The following USP32 variants were observed in gnomAD, a reference collection of about 807,000 sequenced individuals.
USP32 encodes the protein ubiquitin specific peptidase 32, also known as ubiquitin carboxyl-terminal hydrolase 32.
In USP32, 59 loss-of-function variants were observed where a neutral mutation model predicts 204.8. That is an observed-to-expected ratio of 0.29 (90% CI 0.23 to 0.36). The LOEUF is 0.36. Among genes scored for constraint, USP32 ranks in the 10% least tolerant of loss-of-function variants. The probability of loss-of-function intolerance (pLI) is 1.00; values close to 1 mark genes in which losing one functional copy is unlikely to be tolerated. For synonymous variants in USP32, 517 were observed against 678.4 expected, an observed-to-expected ratio of 0.76 and a Z score of 3.70; for missense variants, 1,160 against 1,946.4, an observed-to-expected ratio of 0.60 and a Z score of 7.60.
intron 2 of USP32, among the ~76,000 whole-genome samples, chr17:60,311,558 C>T (rs369304725): frequency 6.6e-6 from 1 of 152,210 alleles, no homozygotes; most frequent in Non-Finnish European, 1.5e-5. Flanking sequence ...CACAGTGGCT[C>T]ACGCCTGTAA....
intron 1 of USP32, among the ~76,000 whole-genome samples, chr17:60,364,811 T>C (rs896303016): frequency 6.6e-6 from 1 of 152,254 alleles, no homozygotes; most frequent in African/African-American, 2.4e-5. Flanking sequence ...ATAAATTCCA[T>C]TGTTCACTAA....
chr17:60,374,248 T>C (rs1158504423), intron 1 of USP32, among the ~76,000 whole-genome samples: 1 of 151,986 alleles, frequency 6.6e-6, no homozygotes, highest in Non-Finnish European at 1.5e-5. Context: ...ATCAAGATCA[T>C]CAATATCACT....
At chr17:60,216,001 T>C (rs1327588575) in intron 16 of USP32, among the ~76,000 whole-genome samples, 1 of 152,150 alleles carries the variant, frequency 6.6e-6, no homozygotes, top group African/African-American at 2.4e-5. Flanking sequence ...GTGTGTGAGC[T>C]ACCACATTTG....
At chr17:60,417,338 G>GTCTCTC (rs563840631) in intron 1 of USP32, among the ~76,000 whole-genome samples, 1 of 151,992 alleles carries the variant, frequency 6.6e-6, no homozygotes, top group African/African-American at 2.4e-5. Context: ...TTGGTGGGGA[G>GTCTCTC]TCTCTCTATG....
rs181396383 is a variant in USP32, at chr17:60,179,629, C to T, written c.4642-201G>A. Among the ~76,000 whole-genome samples the T allele has an allele frequency of 5.5e-4, 83 of 152,212 alleles. 2 individuals are homozygous for T. In the East Asian group the frequency reaches 0.014, roughly 26 times the overall value. ...TTTGCTTTGGGGAAAATATTTTGAC[C>T]ATAGACAAGTCAAAAAAGAATGACC... On this transcript the variant is annotated intron_variant, in intron 33 of 33. Coordinates refer to ENST00000300896, the MANE Select transcript of USP32 (RefSeq NM_032582.4).
At chr17:60,330,838 C>G (rs2088363645) in intron 2 of USP32, among the ~76,000 whole-genome samples, 1 of 152,142 alleles carries the variant, frequency 6.6e-6, no homozygotes. Context: ...AAATTTATCA[C>G]TGGGCATTTC....
intron 12 of USP32, among the ~76,000 whole-genome samples, chr17:60,232,438 G>T (rs1299590566): frequency 1.1e-4 from 17 of 149,644 alleles, no homozygotes; most frequent in African/African-American, 3.7e-4. Context: ...CTCCCAAAGA[G>T]CTGGGATTGC....
chr17:60,234,085 G>A (rs946551619), intron 12 of USP32, among the ~76,000 whole-genome samples: 3 of 151,790 alleles, frequency 2.0e-5, no homozygotes, highest in Non-Finnish European at 4.4e-5. Flanking sequence ...AAGTAGCTGG[G>A]ACTACAGGCG....
chr17:60,288,788 G>A lies in USP32; in HGVS notation c.412-106C>T, dbSNP rs73318841. The stretch of plus-strand genomic sequence containing the variant: ...ATTAGTTGGCAATTACCTTTCTGCT[G>A]TCTACAAAGGAAGGATTATCTAATA... On this transcript the variant is annotated intron_variant, in intron 4 of 33. Coordinates refer to ENST00000300896, the MANE Select transcript of USP32 (RefSeq NM_032582.4). 15,741 of 892,270 alleles carry A rather than the reference G, an allele frequency of 0.018. 1,754 individuals carry two copies. In the African/African-American group the frequency reaches 0.23, roughly 13 times the overall value. The allele number at this position is 892,270 out of a possible 1,614,324, so 55.3% of individuals were successfully genotyped here. A position where few individuals can be genotyped will look rare whatever the true frequency, so the allele number is the denominator to read the frequency against.
At chr17:60,283,698 T>C (rs1269143254) in intron 5 of USP32, among the ~76,000 whole-genome samples, 1 of 149,288 alleles carries the variant, frequency 6.7e-6, no homozygotes, top group African/African-American at 2.5e-5. Flanking sequence ...TACCTTTAGG[T>C]GGATCATGGC....
At chr17:60,362,262 A>T (rs999306828) in intron 1 of USP32, among the ~76,000 whole-genome samples, 1 of 152,210 alleles carries the variant, frequency 6.6e-6, no homozygotes, top group African/African-American at 2.4e-5. Context: ...AAGCATAAAA[A>T]TGTGAAGAAA....
Position 60,287,871 on chromosome 17 carries a change from C to T in USP32, c.571+652G>A, listed in dbSNP as rs139262282. On this transcript the variant is annotated intron_variant, in intron 5 of 33. Transcript: ENST00000300896. ...GCTCACGCCTATAATTCCAGCACTTCGGGAGGCCGAGGCGTGTGGATCACG... is the reference window on the plus strand; with the variant it reads ...GCTCACGCCTATAATTCCAGCACTTTGGGAGGCCGAGGCGTGTGGATCACG... Among the ~76,000 whole-genome samples, 372 of 151,840 alleles carry T rather than the reference C, an allele frequency of 2.4e-3. 2 individuals are homozygous for T. The highest frequency in any genetic ancestry group is 8.4e-3 in the African/African-American group (350 of 41,442).
chr17:60,337,871 G>A (rs2088560436), intron 2 of USP32, among the ~76,000 whole-genome samples: 1 of 150,296 alleles, frequency 6.7e-6, no homozygotes, highest in Admixed American at 6.6e-5. Flanking sequence ...ACAGAAATGA[G>A]ACGGTCTCAA....
At chr17:60,310,724 A>G (rs1203983224) in intron 2 of USP32, among the ~76,000 whole-genome samples, 1 of 151,846 alleles carries the variant, frequency 6.6e-6, no homozygotes, top group African/African-American at 2.4e-5. Context: ...TGTCATTTGC[A>G]GCAACATGTT....
chr17:60,351,168 G>C (rs921676236), intron 1 of USP32, among the ~76,000 whole-genome samples: 1 of 151,978 alleles, frequency 6.6e-6, no homozygotes, highest in Non-Finnish European at 1.5e-5. Flanking sequence ...AATAGAGATT[G>C]GTTCAAAGTC....
intron 1 of USP32, among the ~76,000 whole-genome samples, chr17:60,348,408 G>A (rs2088841247): frequency 6.6e-6 from 1 of 152,086 alleles, no homozygotes; most frequent in Non-Finnish European, 1.5e-5. Flanking sequence ...AGAAAAGAAG[G>A]AGAAGTAGAA....
At chr17:60,225,406 GT>G (rs2085357559) in intron 13 of USP32, among the ~76,000 whole-genome samples, 1 of 152,124 alleles carries the variant, frequency 6.6e-6, no homozygotes, top group South Asian at 2.1e-4. Context: ...GCAGTAAGCC[GT>G]GATTATGCCA....
At chr17:60,371,613 A>T (rs1000781162) in intron 1 of USP32, among the ~76,000 whole-genome samples, 1 of 152,130 alleles carries the variant, frequency 6.6e-6, no homozygotes, top group African/African-American at 2.4e-5. Flanking sequence ...AATGGCCAAC[A>T]TGCACATATA....
At position 60,347,861 on chromosome 17, in the gene USP32, G is replaced by A. The variant is rs1005780186; in HGVS notation, c.59-2253C>T. ...GGAAAGGCTGGGCGCAGTGGCTCAC[G>A]CCTGTAATCCCAGCACTTTGGGAGG... On this transcript the variant is annotated intron_variant, in intron 1 of 33. Transcript: ENST00000300896. Among the ~76,000 whole-genome samples the A allele has an allele frequency of 3.3e-5, 5 of 151,508 alleles. No homozygotes were observed. The South Asian group carries it at 8.4e-4, about 25-fold the overall frequency.
Sources: allele counts gnomAD v4.1 joint callset (sites outside exome capture counted in the v4.1 genomes callset), GRCh38; gene constraint gnomAD v4.1.1; transcripts MANE v1.5; gene names NCBI Gene and HGNC (gene_info 2026-07-23, HGNC 2026-07-21).